The following NAALADL2 variants were observed in gnomAD, a reference collection of about 807,000 sequenced individuals.
The protein encoded by NAALADL2 is N-acetylated alpha-linked acidic dipeptidase like 2.
A neutral mutation model predicts 87.2 loss-of-function variants in NAALADL2; 76 were observed. The ratio of observed to expected loss-of-function variants is 0.87; its 90% CI spans 0.72 to 1.05. NAALADL2 has a LOEUF of 1.05. Ranked by LOEUF, NAALADL2 falls within the 50% of genes least tolerant of loss-of-function variation. The pLI is 0.00. For synonymous variants in NAALADL2, 354 were observed against 331.0 expected (o/e 1.07, Z -0.75); for missense variants, 1,089 against 945.8 (o/e 1.15, Z -1.99).
chr3:175,720,723 G>A (rs1242870973), intron 11 of NAALADL2, among the ~76,000 whole-genome samples: 1 of 152,036 alleles, frequency 6.6e-6, no homozygotes, highest in Non-Finnish European at 1.5e-5. Flanking sequence ...CAACTAGACT[G>A]CAACTAAGGA....
At chr3:175,570,236 C>T (rs895438177) in intron 9 of NAALADL2, among the ~76,000 whole-genome samples, 1 of 152,136 alleles carries the variant, frequency 6.6e-6, no homozygotes, top group African/African-American at 2.4e-5. Context: ...GGAAGGTCAG[C>T]CTTTTTGTTC....
chr3:175,678,186 C>A (rs1453589058), intron 11 of NAALADL2, among the ~76,000 whole-genome samples: 19 of 152,134 alleles, frequency 1.2e-4, no homozygotes, highest in Admixed American at 1.2e-3. Context: ...ACAGGAATAT[C>A]TTTTAGCAGG....
At chr3:175,497,018 A>T (rs1728911221) in intron 9 of NAALADL2, among the ~76,000 whole-genome samples, 1 of 152,188 alleles carries the variant, frequency 6.6e-6, no homozygotes, top group Admixed American at 6.6e-5. Flanking sequence ...TTTGTTCAAG[A>T]TCACACAGAC....
intron 1 of NAALADL2, among the ~76,000 whole-genome samples, chr3:175,035,485 G>A (rs1003628145): frequency 5.9e-5 from 9 of 152,010 alleles, no homozygotes; most frequent in Non-Finnish European, 1.0e-4. Flanking sequence ...TTATGCTATG[G>A]GCCTTTTTCC....
intron 2 of NAALADL2, among the ~76,000 whole-genome samples, chr3:174,617,371 G>A (rs182524037): frequency 3.3e-5 from 5 of 151,686 alleles, no homozygotes; most frequent in Admixed American, 1.3e-4. Context: ...TAGTCATAGC[G>A]ATCTCGTTAC....
chr3:174,441,186 C>T (rs1020110196), intron 1 of NAALADL2, among the ~76,000 whole-genome samples: 3 of 151,968 alleles, frequency 2.0e-5, no homozygotes, highest in Non-Finnish European at 4.4e-5. Flanking sequence ...GCGCGGGGCC[C>T]GGGGCGCCGA....
intron 9 of NAALADL2, among the ~76,000 whole-genome samples, chr3:175,554,203 A>G (rs991686011): frequency 6.6e-6 from 1 of 152,022 alleles, no homozygotes; most frequent in Non-Finnish European, 1.5e-5. Flanking sequence ...ACAAGAGGAG[A>G]CTTGTGAGGC....
intron 1 of NAALADL2, among the ~76,000 whole-genome samples, chr3:175,075,055 T>G: frequency 6.6e-6 from 1 of 152,218 alleles, no homozygotes; most frequent in African/African-American, 2.4e-5. Context: ...TATTGAACAC[T>G]AATATATGCC....
Position 175,780,935 on chromosome 3 carries a change from A to C in NAALADL2, c.2190-22070A>C, listed in dbSNP as rs556707977. Among the ~76,000 whole-genome samples, 5 of 152,204 alleles carry C rather than the reference A, an allele frequency of 3.3e-5. No individual in the cohort carries two copies. The South Asian group carries it at 1.0e-3, about 32-fold the overall frequency. ...TCCTTGCCTTTGGGCTCAACTCTTT[A>C]ATAATCTTATTTATTTTCAAAAGGC... On this transcript the variant is annotated intron_variant, in intron 13 of 13. Transcript: ENST00000454872.
At chr3:175,461,169 G>A (rs538142341) in intron 6 of NAALADL2, among the ~76,000 whole-genome samples, 23 of 151,360 alleles carry the variant, frequency 1.5e-4, no homozygotes, top group African/African-American at 4.9e-4. Flanking sequence ...TGATTGGTGC[G>A]TTTTTCCAGA....
intron 2 of NAALADL2, among the ~76,000 whole-genome samples, chr3:174,696,592 C>CT (rs1231076189): frequency 5.5e-5 from 3 of 54,992 alleles, no homozygotes; most frequent in African/African-American, 2.7e-4. Context: ...GTGTAGTTAT[C>CT]TAAAAAAAAA....
intron 1 of NAALADL2, among the ~76,000 whole-genome samples, chr3:175,020,208 G>C (rs1470996329): frequency 6.6e-6 from 1 of 152,022 alleles, no homozygotes; most frequent in Non-Finnish European, 1.5e-5. Context: ...TGAAAGATTG[G>C]TAGGTCTTGG....
intron 1 of NAALADL2, among the ~76,000 whole-genome samples, chr3:174,864,894 A>T (rs1259379336): frequency 6.6e-6 from 1 of 152,052 alleles, no homozygotes; most frequent in African/African-American, 2.4e-5. Flanking sequence ...GTGAAGAAAT[A>T]ACAGGTGACT....
chr3:174,870,358 G>T (rs557307774), intron 1 of NAALADL2, among the ~76,000 whole-genome samples: 1 of 152,158 alleles, frequency 6.6e-6, no homozygotes, highest in South Asian at 2.1e-4. Flanking sequence ...GGTATATTCT[G>T]TGTAACATTA....
chr3:175,507,956 T>C (rs1048500297), intron 9 of NAALADL2, among the ~76,000 whole-genome samples: 16 of 152,152 alleles, frequency 1.1e-4, no homozygotes, highest in Admixed American at 2.6e-4. Context: ...AATTGGCCCA[T>C]GGTTCTATTG....
intron 1 of NAALADL2, among the ~76,000 whole-genome samples, chr3:174,531,525 T>A (rs1721240539): frequency 6.6e-6 from 1 of 152,172 alleles, no homozygotes; most frequent in Admixed American, 6.5e-5. Context: ...AGGAGCAAAG[T>A]TCACTGAGAG....
rs1718309442 is a variant in NAALADL2 at position 174,493,187 on chromosome 3, G to A, written c.-184+52155G>A. Reference sequence around the variant, plus strand: ...CCCAAAAAATTCATGTCGAAATCTTGATATCCAGTACTTCAGAATGTAACC... The same window carrying A: ...CCCAAAAAATTCATGTCGAAATCTTAATATCCAGTACTTCAGAATGTAACC... On this transcript the variant is annotated intron_variant, in intron 1 of 3. Coordinates refer to the NAALADL2 transcript ENST00000434257. Among the ~76,000 whole-genome samples the A allele has an allele frequency of 2.0e-5, 3 of 152,232 alleles. 1 individual carries two copies. The highest frequency in any genetic ancestry group is 4.1e-4 in the South Asian group (2 of 4,824).
chr3:175,194,531 T>C (rs1294186739), intron 2 of NAALADL2, among the ~76,000 whole-genome samples: 1 of 151,878 alleles, frequency 6.6e-6, no homozygotes, highest in Non-Finnish European at 1.5e-5. Flanking sequence ...TATAATGTAG[T>C]AAGAAAAACC....
chr3:174,737,722 G>A (rs149105533), exon 3 of NAALADL2: 2 of 152,258 alleles, frequency 1.3e-5, no homozygotes, highest in East Asian at 3.9e-4. Context: ...AAGCCCTCCA[G>A]TTGCACTAGG....
Sources: allele counts gnomAD v4.1 joint callset (sites outside exome capture counted in the v4.1 genomes callset), GRCh38; gene constraint gnomAD v4.1.1; transcripts MANE v1.5; gene names NCBI Gene and HGNC (gene_info 2026-07-23, HGNC 2026-07-21).